KIF18B: variants seen among roughly 807,000 people sequenced by gnomAD.
KIF18B encodes kinesin-like protein KIF18B.
Under a neutral mutation model 80.9 loss-of-function variants are expected in KIF18B, and 49 were observed. The ratio of observed to expected loss-of-function variants is 0.61; its 90% CI spans 0.48 to 0.77. The LOEUF (loss-of-function observed/expected upper bound fraction) is 0.77. KIF18B is among the 30% of genes least tolerant of loss of function. The pLI is 0.00. For missense variants in KIF18B, 994 were observed against 1,127.7 expected (o/e 0.88, Z 1.70); for synonymous variants, 439 against 463.9 (o/e 0.95, Z 0.69).
rs1294966370 is a variant in KIF18B at position 44,928,152 on chromosome 17, G to T, written c.2150C>A (p.Thr717Asn). The change falls in exon 13 of 16, where the codon ACT becomes AAT. Residue 717 changes from threonine to asparagine, a missense_variant. Physicochemically the swap from Thr to Asn is moderately conservative, Grantham distance 65 (BLOSUM62 0). Coordinates refer to ENST00000593135, the MANE Select transcript of KIF18B (RefSeq NM_001265577.2). ...ATCAAAGGTGGCATTGAGGTCTCGA[G>T]TGGGCAGAGCCAGCGGGGTGGAGCA... ...QNCSTPLALP[T>N]RDLNATFDLS... 6.2e-7 allele frequency: 1 copy of T among 1,608,782 alleles called. No homozygotes were observed. The highest frequency in any genetic ancestry group is 1.1e-5 in the South Asian group (1 of 90,560).
intron 15 of KIF18B, 90 bp from the exon 16 acceptor site, chr17:44,926,276 T>C: frequency 6.3e-7 from 1 of 1,586,682 alleles, no homozygotes; most frequent in Non-Finnish European, 8.6e-7. Flanking sequence ...CCCACCTGTC[T>C]CATCAGCAGC....
At chr17:44,931,517 G>A (rs2052145250) in intron 11 of KIF18B, 85 bp downstream of exon 11, 1 of 1,572,612 alleles carries the variant, frequency 6.4e-7, no homozygotes, top group South Asian at 1.1e-5. Flanking sequence ...CTTTTGTGAT[G>A]TGCTTAACAC....
intron 1 of KIF18B, among the ~76,000 whole-genome samples, chr17:44,939,065 TA>T (rs200014792): frequency 2.1e-4 from 28 of 135,690 alleles, no homozygotes; most frequent in African/African-American, 5.3e-4. Context: ...ATTAATTAAT[TA>T]AAAAAAAAGG....
At position 44,928,422 on chromosome 17, in the gene KIF18B, T is replaced by C. The variant is rs1274201851; in HGVS notation, c.1880A>G (p.Lys627Arg). 9 of 1,545,118 alleles carry C rather than the reference T, an allele frequency of 5.8e-6. No homozygotes were observed. The highest frequency in any genetic ancestry group is 1.4e-5 in the African/African-American group (1 of 73,346). The change falls in exon 13 of 16, where the codon AAG becomes AGG. Residue 627 changes from lysine to arginine, a missense_variant. Transcript: ENST00000593135. ...CAAGGCGCTTGGTCTCCTCCTCTTC[T>C]TCTCCATGGGCCATCGGGACCCCTG... ...PAQGSRWPME[K>R]KRRRPSALEA...
chr17:44,938,558 AT>A (rs1252027195), intron 1 of KIF18B, among the ~76,000 whole-genome samples: 1 of 151,216 alleles, frequency 6.6e-6, no homozygotes, highest in Non-Finnish European at 1.5e-5. Flanking sequence ...TCTATCTAAT[AT>A]TTTTTCTTTC....
chr17:44,934,221 G>A lies in KIF18B; in HGVS notation c.885+12C>T. Reference sequence around the variant, plus strand: ...GCTATCCTGGGGAGAATACTGGCCTGTGCTGCTTTACCTTTGCATCGGCCA... The same window carrying A: ...GCTATCCTGGGGAGAATACTGGCCTATGCTGCTTTACCTTTGCATCGGCCA... On this transcript the variant is annotated intron_variant, in intron 6 of 15. Transcript: ENST00000593135. This position sits in a 1 kb window ranked among gnomAD's most constrained non-coding sequence, Gnocchi z 5.4. 6.2e-7 allele frequency: 1 copy of A among 1,605,432 alleles called. No individual in the cohort carries two copies. Among genetic ancestry groups the A allele is most frequent in the Non-Finnish European group, 8.5e-7 (1 of 1,175,370 alleles).
At position 44,932,217 on chromosome 17, in the gene KIF18B, G is replaced by A; in HGVS notation, c.1239-11C>T. On this transcript the variant is annotated splice_polypyrimidine_tract_variant and intron_variant, in intron 9 of 15. Transcript: ENST00000593135. ...GGGGTGCAGGGCTGGCTGGGAGGGT[G>A]GGGTGGCAAGGGGGAGCTGGGAAGG... 6.4e-7 allele frequency: 1 copy of A among 1,573,328 alleles called. No homozygotes were observed. Among genetic ancestry groups the A allele is most frequent in the Non-Finnish European group, 8.6e-7 (1 of 1,157,470 alleles).
intron 1 of KIF18B, among the ~76,000 whole-genome samples, chr17:44,941,370 G>A (rs1476994326): frequency 2.1e-5 from 3 of 139,666 alleles, no homozygotes; most frequent in Non-Finnish European, 3.0e-5. Context: ...ACAGAGTCTC[G>A]CTCTGTCGCC....
intron 1 of KIF18B, among the ~76,000 whole-genome samples, chr17:44,941,197 T>C (rs2052408570): frequency 6.6e-6 from 1 of 152,214 alleles, no homozygotes. Context: ...TACTGCCTTA[T>C]AGTGATATTA....
At chr17:44,945,907 A>G (rs904618815) in intron 1 of KIF18B, among the ~76,000 whole-genome samples, 1 of 69,134 alleles carries the variant, frequency 1.4e-5, no homozygotes, top group Non-Finnish European at 3.6e-5. Flanking sequence ...TCTGTCTCAG[A>G]AAAAAAAAAA....
In KIF18B at chr17:44,927,069, C is replaced by A. The variant is rs557369525; in HGVS notation, c.2286G>T (p.Val762=). 2.4e-5 allele frequency: 38 copies of A among 1,609,924 alleles called. No homozygotes were observed. The highest frequency in any genetic ancestry group is 1.7e-5 in the Admixed American group (1 of 59,600). The change falls in exon 14 of 16, where the codon GTG becomes GTT. Residue 762 remains valine (V), a synonymous_variant. Coordinates refer to ENST00000593135, the MANE Select transcript of KIF18B (RefSeq NM_001265577.2). The surrounding 1 kb of genome is among the most constrained non-coding windows in gnomAD (Gnocchi z 4.1). The part of the protein sequence containing the change: ...LDQPFIPRAP[V]PLFTMKGPKP... ...TGGGGCCCTTCATGGTGAACAGGGGCACAGGTGCCCTGGGGAGGGAGGACA... is the reference window on the plus strand; with the variant it reads ...TGGGGCCCTTCATGGTGAACAGGGGAACAGGTGCCCTGGGGAGGGAGGACA...
At chr17:44,931,498 G>T in intron 11 of KIF18B, 104 bp downstream of exon 11, 3 of 1,470,062 alleles carry the variant, frequency 2.0e-6, no homozygotes, top group Non-Finnish European at 2.8e-6. Context: ...TGCTGATGAA[G>T]AGACAGGGCT....
At chr17:44,931,313 C>A (rs957571780) in intron 11 of KIF18B, among the ~76,000 whole-genome samples, 5 of 152,202 alleles carry the variant, frequency 3.3e-5, no homozygotes, top group African/African-American at 9.7e-5. Context: ...GAAAGCAAAG[C>A]GTAAGCCCCA....
At chr17:44,928,617 C>A in intron 12 of KIF18B, 39 bp from the exon 13 acceptor site, 1 of 1,441,464 alleles carries the variant, frequency 6.9e-7, no homozygotes, top group East Asian at 2.5e-5. Context: ...ACTTGGGGAG[C>A]CAGACACTGG....
chr17:44,933,924 G>A lies in KIF18B; in HGVS notation c.1061C>T (p.Ser354Leu), dbSNP rs1034998364. Residue 354 changes from serine (S) to leucine (L), a missense_variant and splice_region_variant, in exon 7 of 16, where the codon TCG (serine) becomes TTG (leucine). Physicochemically the swap from Ser to Leu is moderately radical, Grantham distance 145 (BLOSUM62 -2). Transcript: ENST00000593135. Reference sequence around the variant, plus strand: ...AAGCCGGCCCTGGCTGGCACGCACCGAGAGCCTGATCTCCTTGGCCCGGTC... The same window carrying A: ...AAGCCGGCCCTGGCTGGCACGCACCAAGAGCCTGATCTCCTTGGCCCGGTC... ...YADRAKEIRLSLKSNVTSLDC... is the reference protein window; with the variant it reads ...YADRAKEIRLLLKSNVTSLDC... The A allele has an allele frequency of 3.2e-6, 5 of 1,559,484 alleles. No homozygotes were observed. Among genetic ancestry groups the A allele is most frequent in the Non-Finnish European group, 4.3e-6 (5 of 1,152,804 alleles).
chr17:44,934,473 G>C lies in KIF18B; in HGVS notation c.687+34C>G, dbSNP rs1237680757. 5 of 1,605,712 alleles carry C rather than the reference G, an allele frequency of 3.1e-6. No individual in the cohort carries two copies. Among genetic ancestry groups the C allele is most frequent in the Non-Finnish European group, 3.4e-6 (4 of 1,174,996 alleles). ...GGGTGAGGGGGAGATGGGCATCAGG[G>C]GCACTGGTTTCAGGCTCTGACCCAT... is the stretch of plus-strand genomic sequence containing the variant. On this transcript the variant is annotated intron_variant, in intron 5 of 15. Coordinates refer to ENST00000593135, the MANE Select transcript of KIF18B (RefSeq NM_001265577.2). The surrounding 1 kb of genome is among the most constrained non-coding windows in gnomAD (Gnocchi z 5.4).
intron 7 of KIF18B, among the ~76,000 whole-genome samples, chr17:44,933,457 C>G (rs972624705): frequency 6.6e-6 from 1 of 151,910 alleles, no homozygotes; most frequent in Non-Finnish European, 1.5e-5. Context: ...GGGACTGTGT[C>G]GCTTCTATCA....
intron 1 of KIF18B, among the ~76,000 whole-genome samples, chr17:44,938,985 G>A (rs574714733): frequency 1.2e-4 from 18 of 151,528 alleles, no homozygotes; most frequent in Non-Finnish European, 1.5e-4. Context: ...TAGAGGTTGC[G>A]GTGAGCTGAG....
chr17:44,931,686 G>C lies in KIF18B; in HGVS notation c.1433C>G (p.Pro478Arg). Reference sequence around the variant, plus strand: ...CTGCAGGGTCAGGCGAGGGGACTCTGGCAGTGCATGTGTGGGGTTCTGCTC... The same window carrying C: ...CTGCAGGGTCAGGCGAGGGGACTCTCGCAGTGCATGTGTGGGGTTCTGCTC... ...MPEQNPTHAL[P>R]ESPRLTLQPK... is the part of the protein sequence containing the mutation. The change falls in exon 11 of 16, where the codon CCA (proline) becomes CGA (arginine). Residue 478 changes from proline (P) to arginine (R), a missense_variant. Transcript: ENST00000593135. 6.2e-7 allele frequency: 1 copy of C among 1,613,976 alleles called. No homozygotes were observed. Among genetic ancestry groups the C allele is most frequent in the Middle Eastern group, 1.6e-4 (1 of 6,062 alleles).
Sources: allele counts gnomAD v4.1 joint callset (sites outside exome capture counted in the v4.1 genomes callset), GRCh38; gene constraint gnomAD v4.1.1; non-coding constraint Gnocchi (gnomAD v3.1); transcripts MANE v1.5; gene names NCBI Gene and HGNC (gene_info 2026-07-23, HGNC 2026-07-21).